ARHGAP6: variants seen among roughly 807,000 people sequenced by gnomAD.
ARHGAP6 encodes rho GTPase-activating protein 6.
Under a neutral mutation model 55.7 loss-of-function variants are expected in ARHGAP6, and 16 were observed. The observed-to-expected ratio is 0.29, with a 90% CI of 0.19 to 0.44. The LOEUF (loss-of-function observed/expected upper bound fraction) is 0.44, where lower values mean the gene tolerates loss of function less well. ARHGAP6 is among the 20% of genes least tolerant of loss of function. ARHGAP6 has a pLI of 1.00. For missense variants in ARHGAP6, 698 were observed against 808.9 expected, an observed-to-expected ratio of 0.86 and a Z score of 1.66; for synonymous variants, 382 against 360.9, an observed-to-expected ratio of 1.06 and a Z score of -0.66.
intron 1 of ARHGAP6, among the ~76,000 whole-genome samples, chrX:11,613,395 G>C (rs1403178953): frequency 8.9e-6 from 1 of 112,285 alleles, no homozygotes; most frequent in Non-Finnish European, 1.9e-5. Flanking sequence ...GAGAGATTCT[G>C]GAATGATGCA....
chrX:11,561,961 C>T (rs1465735232), intron 1 of ARHGAP6, among the ~76,000 whole-genome samples: 1 of 111,961 alleles, frequency 8.9e-6, no homozygotes, highest in Non-Finnish European at 1.9e-5. Context: ...GTGGGCCTAC[C>T]ACAGAAGCTG....
intron 10 of ARHGAP6, 151 bp from the exon 11 acceptor site, chrX:11,144,399 T>C: frequency 1.3e-6 from 1 of 776,786 alleles, no homozygotes; most frequent in Non-Finnish European, 1.9e-6. Flanking sequence ...CCAAGACATG[T>C]ACATCCATGA....
intron 1 of ARHGAP6, among the ~76,000 whole-genome samples, chrX:11,291,144 G>T (rs2047985743): frequency 8.9e-6 from 1 of 112,314 alleles, no homozygotes; most frequent in Non-Finnish European, 1.9e-5. Context: ...TATTTCAATT[G>T]AAATTTCATT....
intron 1 of ARHGAP6, among the ~76,000 whole-genome samples, chrX:11,543,767 C>T (rs57183185): frequency 0.028 from 3,086 of 111,956 alleles, 53 homozygotes; most frequent in Middle Eastern, 0.065. Context: ...AAACAGCATG[C>T]GATGTGCATA....
rs1009736558 is a variant in ARHGAP6 at position 11,311,576 on chromosome X, T to G, written c.589-56869A>C. On this transcript the variant is annotated intron_variant, in intron 1 of 12. Transcript: ENST00000337414. ...ATGTAACTTTTGCCTATTCTGGGTT[T>G]GTCTTAAAAATCTCAACCTTTAAAC... Among the ~76,000 whole-genome samples the G allele has an allele frequency of 5.4e-5, 6 of 111,331 alleles. No homozygotes were observed. In the Admixed American group the frequency reaches 5.7e-4, roughly 11 times the overall value.
intron 1 of ARHGAP6, among the ~76,000 whole-genome samples, chrX:11,639,329 A>T (rs2052449474): frequency 9.0e-6 from 1 of 110,936 alleles, no homozygotes; most frequent in Admixed American, 9.6e-5. Context: ...TGTCATTTAC[A>T]TTAGGTATAT....
At chrX:11,506,614 C>T (rs749319858) in intron 1 of ARHGAP6, among the ~76,000 whole-genome samples, 5 of 106,334 alleles carry the variant, frequency 4.7e-5, no homozygotes, top group African/African-American at 1.8e-4. Context: ...TGTATATGTG[C>T]CACATTTCTT....
intron 1 of ARHGAP6, among the ~76,000 whole-genome samples, chrX:11,357,330 C>A (rs924018381): frequency 4.5e-5 from 5 of 111,895 alleles, no homozygotes; most frequent in Non-Finnish European, 5.6e-5. Flanking sequence ...TTTATAGACA[C>A]TGGCTCATCA....
chrX:11,201,616 C>T (rs1176895224), intron 2 of ARHGAP6, among the ~76,000 whole-genome samples: 2 of 112,030 alleles, frequency 1.8e-5, no homozygotes, highest in Non-Finnish European at 3.8e-5. Context: ...GTTCAATTGA[C>T]TCACAGTTCC....
chrX:11,629,744 C>A (rs2052339981), intron 1 of ARHGAP6, among the ~76,000 whole-genome samples: 1 of 111,066 alleles, frequency 9.0e-6, no homozygotes, highest in African/African-American at 3.3e-5. Flanking sequence ...TGGGCTGAGG[C>A]TCGCATTCAC....
chrX:11,410,831 A>G (rs1290322727), intron 1 of ARHGAP6, among the ~76,000 whole-genome samples: 1 of 110,589 alleles, frequency 9.0e-6, no homozygotes, highest in African/African-American at 3.3e-5. Context: ...ACATGAACAG[A>G]ACCATAGTGT....
rs188144123 is a variant in ARHGAP6 at position 11,432,091 on chromosome X, A to G, written c.589-177384T>C. 8.0e-3 allele frequency among the ~76,000 whole-genome samples: 905 copies of G among 112,645 alleles called. 5 individuals are homozygous for G. The highest frequency in any genetic ancestry group is 0.037 in the Middle Eastern group (8 of 219). On this transcript the variant is annotated intron_variant, in intron 1 of 12. Transcript: ENST00000337414. Reference sequence around the variant, plus strand: ...TGCAGATGTCCCCCAGGGAGTGGGGAAAGGCATAATCACCCCTGGTTGAAA... The same window carrying G: ...TGCAGATGTCCCCCAGGGAGTGGGGGAAGGCATAATCACCCCTGGTTGAAA...
intron 1 of ARHGAP6, among the ~76,000 whole-genome samples, chrX:11,557,131 C>T (rs904472909): frequency 2.7e-5 from 3 of 112,350 alleles, no homozygotes; most frequent in East Asian, 2.8e-4. Context: ...GAGATATTCA[C>T]GTTTGATGCT....
At chrX:11,220,301 G>A (rs908108518) in intron 2 of ARHGAP6, among the ~76,000 whole-genome samples, 1 of 110,888 alleles carries the variant, frequency 9.0e-6, no homozygotes, top group Non-Finnish European at 1.9e-5. Flanking sequence ...GATACTCCTC[G>A]AGAAGAGCAA....
intron 1 of ARHGAP6, among the ~76,000 whole-genome samples, chrX:11,521,243 T>G (rs2050922131): frequency 8.9e-6 from 1 of 112,209 alleles, no homozygotes; most frequent in African/African-American, 3.2e-5. Flanking sequence ...CATGCCTATG[T>G]CCTGAATGGT....
intron 9 of ARHGAP6, among the ~76,000 whole-genome samples, chrX:11,168,958 T>A (rs372920332): frequency 8.9e-6 from 1 of 111,959 alleles, no homozygotes; most frequent in East Asian, 2.8e-4. Context: ...TTGTTTTAAA[T>A]GCATTTATAC....
At chrX:11,518,906 T>G (rs2050880204) in intron 1 of ARHGAP6, among the ~76,000 whole-genome samples, 1 of 92,239 alleles carries the variant, frequency 1.1e-5, no homozygotes, top group Admixed American at 1.2e-4. Context: ...GTTCTTGCGA[T>G]AGTTTACTGA....
chrX:11,532,702 A>T (rs2051064329), intron 1 of ARHGAP6, among the ~76,000 whole-genome samples: 7 of 104,319 alleles, frequency 6.7e-5, no homozygotes, highest in Non-Finnish European at 1.2e-4. Context: ...AGCATTAAAG[A>T]TAAACTTTTA....
intron 1 of ARHGAP6, among the ~76,000 whole-genome samples, chrX:11,258,082 C>T (rs1013764586): frequency 9.0e-6 from 1 of 111,450 alleles, no homozygotes; most frequent in African/African-American, 3.3e-5. Flanking sequence ...TTAGATTTTC[C>T]TCCATAGACG....
Sources: gnomAD v4.1 joint callset for allele counts (sites outside exome capture counted in the v4.1 genomes callset) on GRCh38, gnomAD v4.1.1 for gene constraint, MANE v1.5 for transcripts, NCBI Gene and HGNC (gene_info 2026-07-23, HGNC 2026-07-21) for gene names.